Variants in CELF2 observed in about 807,000 individuals in gnomAD.
The protein encoded by CELF2 is CUG triplet repeat RNA-binding protein 2.
In CELF2, 8 loss-of-function variants were observed where a neutral mutation model predicts 62.6. The ratio of observed to expected loss-of-function variants is 0.13; its 90% confidence interval spans 0.07 to 0.23. The LOEUF (loss-of-function observed/expected upper bound fraction) is 0.23, where lower values mean the gene tolerates loss of function less well. Among genes scored for constraint, CELF2 ranks in the 10% least tolerant of loss-of-function variants. The pLI is 1.00. For missense variants in CELF2, 333 were observed against 671.0 expected, an observed-to-expected ratio of 0.50 and a Z score of 5.56; for synonymous variants, 258 against 250.0, an observed-to-expected ratio of 1.03 and a Z score of -0.30.
the CELF2 span, among the ~76,000 whole-genome samples, chr10:10,485,539 T>C: frequency 6.6e-6 from 1 of 152,166 alleles, no homozygotes; most frequent in Non-Finnish European, 1.5e-5. Context: ...TAATTCCTCT[T>C]AAGAAATGTG....
At chr10:10,897,021 G>A (rs1243727033) in intron 1 of CELF2, among the ~76,000 whole-genome samples, 2 of 152,122 alleles carry the variant, frequency 1.3e-5, no homozygotes, top group East Asian at 3.9e-4. Flanking sequence ...TGTGGAATTG[G>A]GTAATGGGTA....
At chr10:11,283,945 A>G (rs1312990269) in intron 8 of CELF2, among the ~76,000 whole-genome samples, 1 of 142,142 alleles carries the variant, frequency 7.0e-6, no homozygotes, top group African/African-American at 2.7e-5. Flanking sequence ...TGGTGGGTGG[A>G]TGAGGGATGA....
chr10:10,846,016 G>A (rs1295017954), intron 1 of CELF2: 10 of 617,496 alleles, frequency 1.6e-5, no homozygotes, highest in African/African-American at 4.0e-5. Flanking sequence ...CTCAGCTTCG[G>A]CATCTGTAAA....
At chr10:10,964,845 C>G (rs943075193) in intron 2 of CELF2, among the ~76,000 whole-genome samples, 4 of 152,152 alleles carry the variant, frequency 2.6e-5, no homozygotes, top group Admixed American at 2.0e-4. Flanking sequence ...TTGCAAAATG[C>G]TTTCACATCC....
At chr10:11,004,422 C>CGCGT (rs112867733), upstream of CELF2, among the ~76,000 whole-genome samples, 1,165 of 148,576 alleles carry the variant, frequency 7.8e-3, 12 homozygotes, top group African/African-American at 0.027. The surrounding 1 kb of genome is among the most constrained non-coding windows in gnomAD (Gnocchi z 5.0). Flanking sequence ...TGTGCGCGCG[C>CGCGT]GTGTGTGTGT....
Position 10,875,892 on chromosome 10 carries a change from C to A in CELF2, c.54-44072C>A, listed in dbSNP as rs144453166. ...AATGCTGCCTTTTCGCTTAACTATG[C>A]AACAACTGCTCTCTGTACTTCTAGG... On this transcript the variant is annotated intron_variant, in intron 1 of 13. Transcript: ENST00000636488. 2.1e-3 allele frequency among the ~76,000 whole-genome samples: 314 copies of A among 152,300 alleles called. 2 individuals carry two copies. The highest frequency in any genetic ancestry group is 7.3e-3 in the African/African-American group (305 of 41,550).
intron 1 of CELF2, among the ~76,000 whole-genome samples, chr10:10,887,129 G>A (rs1031609153): frequency 4.0e-5 from 6 of 151,370 alleles, no homozygotes; most frequent in Non-Finnish European, 8.8e-5. Flanking sequence ...TTGTAGCATT[G>A]TTACTCTTTT....
the CELF2 span, among the ~76,000 whole-genome samples, chr10:10,553,840 C>T: frequency 6.6e-6 from 1 of 152,150 alleles, no homozygotes; most frequent in African/African-American, 2.4e-5. Context: ...CTTGGGGAAG[C>T]TCAATGGTCA....
At chr10:10,640,115 C>T in the CELF2 span, among the ~76,000 whole-genome samples, 2 of 152,188 alleles carry the variant, frequency 1.3e-5, no homozygotes, top group African/African-American at 2.4e-5. Flanking sequence ...GTGCTACATC[C>T]AGTCCTACTT....
intron 1 of CELF2, among the ~76,000 whole-genome samples, chr10:10,822,639 TA>T (rs2057058175): frequency 6.6e-6 from 1 of 152,236 alleles, no homozygotes; most frequent in South Asian, 2.1e-4. Context: ...CCTGTGCTTT[TA>T]ATATATAGAC....
chr10:10,534,820 A>T, the CELF2 span, among the ~76,000 whole-genome samples: 7 of 152,220 alleles, frequency 4.6e-5, no homozygotes, highest in African/African-American at 1.7e-4. Context: ...AAAAGGAAGC[A>T]GCTTAATCCC....
chr10:11,257,165 T>C (rs2079021388), intron 4 of CELF2, among the ~76,000 whole-genome samples: 1 of 151,996 alleles, frequency 6.6e-6, no homozygotes, highest in African/African-American at 2.4e-5. Context: ...CTCTCTGATC[T>C]CTTATTCTTG....
chr10:10,815,735 T>A (rs1469424480), intron 1 of CELF2, among the ~76,000 whole-genome samples: 1 of 152,184 alleles, frequency 6.6e-6, no homozygotes. Flanking sequence ...GTCTTTTGCA[T>A]ACGTTCTGTG....
the CELF2 span, among the ~76,000 whole-genome samples, chr10:10,467,772 G>A: frequency 3.3e-5 from 5 of 151,840 alleles, no homozygotes; most frequent in Non-Finnish European, 7.4e-5. Flanking sequence ...GTAGTTTTTG[G>A]TACATAGGTA....
intron 3 of CELF2, among the ~76,000 whole-genome samples, chr10:11,230,578 G>C (rs1254804167): frequency 2.0e-5 from 3 of 152,220 alleles, no homozygotes; most frequent in African/African-American, 7.2e-5. Flanking sequence ...GTGGAGTAGG[G>C]CAGCCTGACT....
At chr10:11,086,610 A>AAAT (rs1594927416) in intron 1 of CELF2, among the ~76,000 whole-genome samples, 1 of 134,412 alleles carries the variant, frequency 7.4e-6, no homozygotes, top group African/African-American at 2.9e-5. Flanking sequence ...AAAAAAAAAA[A>AAAT]CTCCCGACAG....
In CELF2 at chr10:11,270,852, C is replaced by CT; in HGVS notation, c.777+30dup. The CT allele has an allele frequency of 7.4e-7, 1 of 1,347,258 alleles. No individual in the cohort carries two copies. The highest frequency in any genetic ancestry group is 9.6e-7 in the Non-Finnish European group (1 of 1,036,928). 83.5% of individuals were successfully genotyped at this position (1,347,258 alleles called of 1,614,324 possible). On this transcript the variant is annotated intron_variant, in intron 7 of 12. Transcript: ENST00000633077. The surrounding 1 kb of genome is among the most constrained non-coding windows in gnomAD (Gnocchi z 5.8). ...AAGTGCTGGGCAATGCCGGCGTGGT[C>CT]TTCACCCGCTGAAACTCTGCAAACT...
Position 11,237,255 on chromosome 10 carries a change from A to C in CELF2, c.355-11898A>C, listed in dbSNP as rs1395797303. Among the ~76,000 whole-genome samples the C allele has an allele frequency of 1.3e-5, 2 of 152,270 alleles. No homozygotes were observed. Among genetic ancestry groups the C allele is most frequent in the Non-Finnish European group, 2.9e-5 (2 of 68,008 alleles). On this transcript the variant is annotated intron_variant, in intron 3 of 12. Coordinates refer to ENST00000633077, the MANE Select transcript of CELF2 (RefSeq NM_001326342.2). This position sits in a 1 kb window ranked among gnomAD's most constrained non-coding sequence, Gnocchi z 4.0. ...ATTTCAAGGGGTAGAAAATTAAGCA[A>C]ATTTAGAGCCACGCCAGAGTGTTAG...
At chr10:11,279,927 A>C (rs1007524118) in intron 8 of CELF2, among the ~76,000 whole-genome samples, 1 of 152,082 alleles carries the variant, frequency 6.6e-6, no homozygotes, top group African/African-American at 2.4e-5. Context: ...AATGTTTTGC[A>C]TGTTCAGTCA....
Sources: gnomAD v4.1 joint callset for allele counts (sites outside exome capture counted in the v4.1 genomes callset) on GRCh38, gnomAD v4.1.1 for gene constraint, Gnocchi (gnomAD v3.1) non-coding constraint, MANE v1.5 for transcripts, NCBI Gene and HGNC (gene_info 2026-07-23, HGNC 2026-07-21) for gene names.